Variants in RGS3 observed in about 807,000 individuals in gnomAD.
RGS3 encodes regulator of G-protein signalling 3.
A neutral mutation model predicts 132.6 loss-of-function variants in RGS3; 80 were observed. That is an observed-to-expected ratio of 0.60 (90% confidence interval 0.50 to 0.73). The LOEUF (loss-of-function observed/expected upper bound fraction) is 0.73, where lower values mean the gene tolerates loss of function less well. Ranked by LOEUF, RGS3 falls within the 30% of genes least tolerant of loss-of-function variation. The probability of loss-of-function intolerance (pLI) is 0.00; values close to 1 mark genes in which losing one functional copy is unlikely to be tolerated. For missense variants in RGS3, 1,382 were observed against 1,530.8 expected, an observed-to-expected ratio of 0.90 and a Z score of 1.62; for synonymous variants, 598 against 620.6, an observed-to-expected ratio of 0.96 and a Z score of 0.54.
rs183210905 is a variant in RGS3, at chr9:113,564,810, C to A, written c.2038-18640C>A. 29 of 429,372 alleles carry A rather than the reference C, an allele frequency of 6.8e-5. No individual in the cohort carries two copies. The East Asian group carries it at 3.3e-3, about 49-fold the overall frequency. The allele number at this position is 429,372 out of a possible 1,614,324, so 26.6% of individuals were successfully genotyped here. The stretch of plus-strand genomic sequence containing the variant: ...GGAAGGGACTGAAGCTGCCACCCCC[C>A]ACCCTGGGGGCAGTCGCATTCTGGA... On this transcript the variant is annotated intron_variant, in intron 19 of 24. Coordinates refer to ENST00000350696, the Ensembl canonical transcript of RGS3.
Position 113,565,735 on chromosome 9 carries a change from G to C in RGS3, c.2038-17715G>C. The C allele has an allele frequency of 4.4e-6, 1 of 227,788 alleles. No individual in the cohort carries two copies. The highest frequency in any genetic ancestry group is 5.2e-5 in the Admixed American group (1 of 19,250). The allele number at this position is 227,788 out of a possible 1,614,324, so 14.1% of individuals were successfully genotyped here. On this transcript the variant is annotated intron_variant, in intron 19 of 24. Coordinates refer to ENST00000350696, the Ensembl canonical transcript of RGS3. The surrounding 1 kb of genome is among the most constrained non-coding windows in gnomAD (Gnocchi z 5.7). The stretch of plus-strand genomic sequence containing the variant: ...GTCCCTGCTGGAGTATGCTGGGTAG[G>C]TACCTTGGTGACAGGACTGTGTGTG...
rs978515119 is a variant in RGS3 at position 113,579,112 on chromosome 9, A to G, written c.2038-4338A>G. On this transcript the variant is annotated intron_variant, in intron 19 of 24. Transcript: ENST00000350696. This position sits in a 1 kb window ranked among gnomAD's most constrained non-coding sequence, Gnocchi z 4.3. ...TGCAGGAAGTGGTTTTCGAGGGCAG[A>G]TGCAGAGCCCGGCATCCGTGGTGGC... 4.6e-5 allele frequency among the ~76,000 whole-genome samples: 7 copies of G among 152,228 alleles called. No homozygotes were observed. The highest frequency in any genetic ancestry group is 1.0e-4 in the Non-Finnish European group (7 of 68,046).
At chr9:113,484,431 C>A (rs914616688) in intron 6 of RGS3, among the ~76,000 whole-genome samples, 199 bp downstream of exon 4, 10 of 151,874 alleles carry the variant, frequency 6.6e-5, no homozygotes, top group African/African-American at 2.2e-4. Flanking sequence ...TGGCACCAGG[C>A]CCAGCAGCGA....
intron 19 of RGS3, among the ~76,000 whole-genome samples, chr9:113,546,202 T>C (rs1833107894): frequency 6.6e-6 from 1 of 152,212 alleles, no homozygotes; most frequent in South Asian, 2.1e-4. Flanking sequence ...TTAGGGTGTT[T>C]GATCTGCCTG....
intron 19 of RGS3, among the ~76,000 whole-genome samples, chr9:113,553,358 G>T (rs1162178719): frequency 6.9e-6 from 1 of 145,642 alleles, no homozygotes; most frequent in Non-Finnish European, 1.5e-5. Flanking sequence ...TGGGAGGATC[G>T]CTTGAGCCTG....
intron 21 of RGS3, chr9:113,592,135 T>C (rs1835465348): frequency 6.6e-6 from 1 of 152,214 alleles, no homozygotes; most frequent in Admixed American, 6.5e-5. Context: ...GCAACCCTCT[T>C]CTCTGGCCTT....
intron 3 of RGS3, among the ~76,000 whole-genome samples, chr9:113,466,355 A>G (rs1230013783): frequency 4.6e-5 from 7 of 152,366 alleles, no homozygotes; most frequent in Middle Eastern, 3.4e-3. Flanking sequence ...GAGCACAGAC[A>G]TGTAAAGGGA....
At chr9:113,497,447 C>T (rs1830725320) in intron 9 of RGS3, 43 bp downstream of exon 7, 11 of 1,509,734 alleles carry the variant, frequency 7.3e-6, no homozygotes, top group Admixed American at 1.7e-5. Context: ...AGGACCTGCC[C>T]CCTCCCTCCT....
At chr9:113,474,354 A>G (rs1169221247) in intron 3 of RGS3, among the ~76,000 whole-genome samples, 1 of 152,190 alleles carries the variant, frequency 6.6e-6, no homozygotes, top group Non-Finnish European at 1.5e-5. Flanking sequence ...CACAGTAGCC[A>G]TGGGAAATTC....
In RGS3 at chr9:113,591,960, A is replaced by C. The variant is rs149379173; in HGVS notation, c.3080+563A>C. 1 of 154,998 alleles carries C rather than the reference A, an allele frequency of 6.5e-6. No homozygotes were observed. Among genetic ancestry groups the C allele is most frequent in the East Asian group, 1.9e-4 (1 of 5,300 alleles). 9.6% of individuals were successfully genotyped at this position (154,998 alleles called of 1,614,324 possible). ...GAAAAAGATGTGTGTGTGGGTTCTC[A>C]GGTCTTCTTCTACCCCCAGGCCTAA... On this transcript the variant is annotated intron_variant, in intron 21 of 24. Coordinates refer to ENST00000350696, the Ensembl canonical transcript of RGS3. The surrounding 1 kb of genome is among the most constrained non-coding windows in gnomAD (Gnocchi z 4.4).
intron 19 of RGS3, chr9:113,582,310 G>A (rs779724957): frequency 2.8e-6 from 2 of 710,334 alleles, no homozygotes; most frequent in Non-Finnish European, 3.5e-6. Flanking sequence ...TCTACAATGA[G>A]AGCTCTTAAC....
rs1829522582 is a variant in RGS3, at chr9:113,463,469, A to G, written c.415+1268A>G. Among the ~76,000 whole-genome samples, 1 of 152,132 alleles carries G rather than the reference A, an allele frequency of 6.6e-6. No homozygotes were observed. The highest frequency in any genetic ancestry group is 1.5e-5 in the Non-Finnish European group (1 of 68,004). On this transcript the variant is annotated intron_variant, in intron 3 of 24. Transcript: ENST00000350696. This position sits in a 1 kb window ranked among gnomAD's most constrained non-coding sequence, Gnocchi z 4.6. ...ACCCCGGACTGGGCCTTCTCGTGGG[A>G]CTGGCATTTCCAACCGGGAGCGCGG...
chr9:113,510,094 T>G (rs956810700), intron 14 of RGS3, among the ~76,000 whole-genome samples: 1 of 151,096 alleles, frequency 6.6e-6, no homozygotes, highest in African/African-American at 2.4e-5. Context: ...CCCCCTCCCA[T>G]CCTTCCCCCG....
intron 14 of RGS3, among the ~76,000 whole-genome samples, chr9:113,509,130 A>G (rs1831286096): frequency 6.6e-6 from 1 of 151,996 alleles, no homozygotes; most frequent in East Asian, 1.9e-4. Flanking sequence ...CTAAAAATAC[A>G]AAATCACTAC....
At chr9:113,585,028 C>T (rs996220811) in intron 20 of RGS3, among the ~76,000 whole-genome samples, 2 of 152,182 alleles carry the variant, frequency 1.3e-5, no homozygotes, top group Non-Finnish European at 2.9e-5. Flanking sequence ...ACCACCACAC[C>T]GTTTGCCTCT....
At chr9:113,589,882 G>C (rs1835330355) in intron 20 of RGS3, 1 of 152,228 alleles carries the variant, frequency 6.6e-6, no homozygotes, top group Non-Finnish European at 1.5e-5. Flanking sequence ...AAGCCGAGAG[G>C]CTAGGAAACT....
chr9:113,509,302 T>C (rs1426964410), intron 14 of RGS3, among the ~76,000 whole-genome samples: 7 of 151,436 alleles, frequency 4.6e-5, no homozygotes, highest in Non-Finnish European at 1.0e-4. Context: ...AAAAAAATCC[T>C]GTCCCCTCGC....
At chr9:113,531,689 G>T (rs770229915) in intron 18 of RGS3, among the ~76,000 whole-genome samples, 16 of 152,124 alleles carry the variant, frequency 1.1e-4, no homozygotes, top group Admixed American at 3.9e-4. Flanking sequence ...ATACAAATAT[G>T]GTAAGATCAC....
In RGS3 at chr9:113,565,913, G is replaced by GTGTGTGTGTGTGTC. The variant is rs1381769881; in HGVS notation, c.2038-17534_2038-17533insGTGTGTGTGTCTGT. ...TGTGTGTGTGTGTGTGTGTGTGTGT[G>GTGTGTGTGTGTGTC]TGTCTGTCTGTCTGTCTGTCTCAGG... is the stretch of plus-strand genomic sequence containing the variant. On this transcript the variant is annotated intron_variant, in intron 19 of 24. Transcript: ENST00000350696. This position sits in a 1 kb window ranked among gnomAD's most constrained non-coding sequence, Gnocchi z 5.7. 9.0e-4 allele frequency among the ~76,000 whole-genome samples: 130 copies of GTGTGTGTGTGTGTC among 144,510 alleles called. 1 individual carries two copies. Among genetic ancestry groups the GTGTGTGTGTGTGTC allele is most frequent in the African/African-American group, 2.9e-3 (112 of 38,550 alleles). 94.8% of individuals were successfully genotyped at this position (144,510 alleles called of 152,430 possible).
Sources: gnomAD v4.1 joint callset for allele counts (sites outside exome capture counted in the v4.1 genomes callset) on GRCh38, gnomAD v4.1.1 for gene constraint, Gnocchi (gnomAD v3.1) non-coding constraint, MANE v1.5 for transcripts, NCBI Gene and HGNC (gene_info 2026-07-23, HGNC 2026-07-21) for gene names.